The following NUDT1 variants were observed in gnomAD, a reference collection of about 807,000 sequenced individuals.
NUDT1 encodes oxidized purine nucleoside triphosphate hydrolase.
In NUDT1, 16 loss-of-function variants were observed where a neutral mutation model predicts 11.3. The ratio of observed to expected loss-of-function variants is 1.41; its 90% confidence interval spans 0.96 to 2.15. NUDT1 has a LOEUF of 2.15. NUDT1 is among the 30% of genes most tolerant of loss of function. The probability of loss-of-function intolerance (pLI) is 0.00; values close to 1 mark genes in which losing one functional copy is unlikely to be tolerated. For missense variants in NUDT1, 234 were observed against 208.4 expected (o/e 1.12, Z -0.76); for synonymous variants, 101 against 84.4 (o/e 1.20, Z -1.08).
chr7:2,244,948 G>C (rs765092457), intron 2 of NUDT1, among the ~76,000 whole-genome samples: 1 of 152,244 alleles, frequency 6.6e-6, no homozygotes, highest in Non-Finnish European at 1.5e-5. Flanking sequence ...ACTTAGAACG[G>C]TGCGCGGTGT....
intron 1 of NUDT1, among the ~76,000 whole-genome samples, chr7:2,243,881 C>G (rs1308401567): frequency 6.6e-6 from 1 of 152,268 alleles, no homozygotes; most frequent in East Asian, 1.9e-4. Flanking sequence ...GGACCTGGAC[C>G]TGCACACCTA....
At chr7:2,243,149 G>A (rs567288234) in intron 1 of NUDT1, 2 of 608,250 alleles carry the variant, frequency 3.3e-6, no homozygotes, top group South Asian at 2.0e-5. Flanking sequence ...GCTGGTGCCT[G>A]TTGGTGTGCT....
Position 2,244,681 on chromosome 7 carries a change from G to T in NUDT1, c.107G>T (p.Gly36Val), listed in dbSNP as rs751328380. Reference protein sequence around the residue: ...GFGAGRWNGFGGKVQEGETIE... With the variant: ...GFGAGRWNGFVGKVQEGETIE... ...GGGGCCGGCCGGTGGAATGGCTTTG[G>T]GGGCAAAGTGCAAGAAGGAGAGACC... Residue 36 changes from glycine to valine, a missense_variant, in exon 2 of 4, where the codon GGG becomes GTG. Transcript: ENST00000356714. 190 of 1,613,240 alleles carry T rather than the reference G, an allele frequency of 1.2e-4. No homozygotes were observed. The highest frequency in any genetic ancestry group is 1.5e-4 in the Non-Finnish European group (178 of 1,179,800).
At position 2,249,973 on chromosome 7, in the gene NUDT1, G is replaced by A. The variant is rs775067218; in HGVS notation, c.269G>A (p.Ser90Asn). The change falls in exon 3 of 4, where the codon AGC becomes AAC. Residue 90 changes from serine to asparagine, a missense_variant. By Grantham distance (46) the Ser-to-Asn change is conservative. Coordinates refer to ENST00000356714, the MANE Select transcript of NUDT1 (RefSeq NM_002452.4). ...GACGTGCATGTCTTCTGCACAGACA[G>A]CATCCAGGGGACCCCCGTGGAGAGC... ...LMDVHVFCTDSIQGTPVESDE... is the reference protein window; with the variant it reads ...LMDVHVFCTDNIQGTPVESDE... 6.2e-7 allele frequency: 1 copy of A among 1,614,164 alleles called. No homozygotes were observed. Among genetic ancestry groups the A allele is most frequent in the East Asian group, 2.2e-5 (1 of 44,884 alleles).
intron 1 of NUDT1, 21 bp from the exon 2 acceptor site, chr7:2,244,542 G>T: frequency 6.6e-7 from 1 of 1,522,720 alleles, no homozygotes; most frequent in Admixed American, 2.1e-5. Context: ...GGCTGACTCT[G>T]CCCTCTCACC....
chr7:2,247,898 C>A (rs1369043817), intron 2 of NUDT1: 2 of 152,262 alleles, frequency 1.3e-5, no homozygotes, highest in South Asian at 2.1e-4. Flanking sequence ...CTGAGCACTT[C>A]TATTGCATCT....
chr7:2,245,220 G>A (rs1231384160), intron 2 of NUDT1, among the ~76,000 whole-genome samples: 1 of 152,216 alleles, frequency 6.6e-6, no homozygotes, highest in Non-Finnish European at 1.5e-5. Context: ...AGCCCAGAGA[G>A]GTTGAGCCGT....
At chr7:2,250,728 G>C (rs1220250926) in intron 3 of NUDT1, 101 bp from the exon 4 acceptor site, 1 of 1,120,812 alleles carries the variant, frequency 8.9e-7, no homozygotes, top group Non-Finnish European at 1.3e-6. Context: ...AAAGTGCTGG[G>C]ATTACAGGCG....
At chr7:2,246,417 G>A (rs1459945758) in intron 2 of NUDT1, among the ~76,000 whole-genome samples, 1 of 152,218 alleles carries the variant, frequency 6.6e-6, no homozygotes, top group Non-Finnish European at 1.5e-5. Context: ...GTGGAAGGAG[G>A]GAGGAAGGAG....
chr7:2,243,921 A>C (rs1322225377), intron 1 of NUDT1, among the ~76,000 whole-genome samples: 4 of 152,218 alleles, frequency 2.6e-5, no homozygotes, highest in Non-Finnish European at 5.9e-5. Flanking sequence ...TGTGACTTCC[A>C]GTGGCCCCCC....
intron 2 of NUDT1, 24 bp from the exon 3 acceptor site, chr7:2,249,833 T>G: frequency 1.2e-6 from 2 of 1,611,010 alleles, no homozygotes; most frequent in Non-Finnish European, 1.7e-6. Context: ...ACGGCCTCCC[T>G]CCCCTGCCCA....
intron 3 of NUDT1, 102 bp downstream of exon 3, chr7:2,250,104 G>C: frequency 4.7e-6 from 7 of 1,477,146 alleles, no homozygotes; most frequent in Middle Eastern, 2.1e-4. Context: ...GCCAGGGACC[G>C]GGCAGCCTGC....
At chr7:2,246,135 C>G (rs1794758269) in intron 2 of NUDT1, among the ~76,000 whole-genome samples, 1 of 152,204 alleles carries the variant, frequency 6.6e-6, no homozygotes, top group African/African-American at 2.4e-5. Flanking sequence ...CCCGGGGGTT[C>G]TCTGCCCAGC....
At chr7:2,244,987 T>G (rs2115054739) in intron 2 of NUDT1, among the ~76,000 whole-genome samples, 1 of 152,302 alleles carries the variant, frequency 6.6e-6, no homozygotes, top group South Asian at 2.1e-4. Flanking sequence ...GTGTTAGCTG[T>G]TGTGGTGCGG....
At position 2,250,945 on chromosome 7, in the gene NUDT1, T is replaced by C. The variant is rs1278220474; in HGVS notation, c.415T>C (p.Phe139Leu). Residue 139 changes from phenylalanine (F) to leucine (L), a missense_variant, in exon 4 of 4, where the codon TTC (phenylalanine) becomes CTC (leucine). Physicochemically the swap from Phe to Leu is conservative, Grantham distance 22. Coordinates refer to ENST00000356714, the MANE Select transcript of NUDT1 (RefSeq NM_002452.4). ...QKKKFHGYFK[F>L]QGQDTILDYT... ...GAAGAAATTCCACGGGTACTTCAAG[T>C]TCCAGGGTCAGGACACCATCCTGGA... The C allele has an allele frequency of 6.8e-6, 11 of 1,613,816 alleles. No individual in the cohort carries two copies. Among genetic ancestry groups the C allele is most frequent in the African/African-American group, 1.3e-5 (1 of 74,874 alleles).
Position 2,244,564 on chromosome 7 carries a change from AC to A in NUDT1, c.-8del. The A allele has an allele frequency of 1.9e-6, 3 of 1,556,716 alleles. No individual in the cohort carries two copies. Among genetic ancestry groups the A allele is most frequent in the Non-Finnish European group, 2.6e-6 (3 of 1,149,962 alleles). On this transcript the variant is annotated splice_region_variant and 5_prime_UTR_variant, in exon 2 of 4. Coordinates refer to ENST00000356714, the MANE Select transcript of NUDT1 (RefSeq NM_002452.4). ...TCTGCCCTCTCACCTTCCTTTCAGA[AC>A]CCAGGGACCATGGGCGCCTCCAGGC...
intron 1 of NUDT1, among the ~76,000 whole-genome samples, chr7:2,243,240 C>T (rs1397311095): frequency 6.6e-6 from 1 of 152,100 alleles, no homozygotes; most frequent in South Asian, 2.1e-4. Context: ...AGGCACAGGA[C>T]GGGGACGTGG....
Position 2,250,883 on chromosome 7 carries a change from C to T in NUDT1, c.353C>T (p.Pro118Leu). 6.2e-7 allele frequency: 1 copy of T among 1,614,154 alleles called. No individual in the cohort carries two copies. Among genetic ancestry groups the T allele is most frequent in the Non-Finnish European group, 8.5e-7 (1 of 1,180,036 alleles). ...CAGATCCCCTTCAAGGACATGTGGC[C>T]CGACGACAGCTACTGGTTTCCACTC... Reference protein sequence around the residue: ...LDQIPFKDMWPDDSYWFPLLL... With the variant: ...LDQIPFKDMWLDDSYWFPLLL... Residue 118 changes from proline (P) to leucine (L), a missense_variant, in exon 4 of 4, where the codon CCC (proline) becomes CTC (leucine). Pro to Leu is a moderately conservative substitution (Grantham distance 98). Coordinates refer to ENST00000356714, the MANE Select transcript of NUDT1 (RefSeq NM_002452.4).
chr7:2,250,690 C>T, intron 3 of NUDT1, 139 bp from the exon 4 acceptor site: 1 of 630,918 alleles, frequency 1.6e-6, no homozygotes, highest in Non-Finnish European at 2.9e-6. Context: ...GATCTCCTGA[C>T]CTCGTGATCC....
Sources: allele counts gnomAD v4.1 joint callset (sites outside exome capture counted in the v4.1 genomes callset), GRCh38; gene constraint gnomAD v4.1.1; transcripts MANE v1.5; gene names NCBI Gene and HGNC (gene_info 2026-07-23, HGNC 2026-07-21).